FHIT: variants seen among roughly 807,000 people sequenced by gnomAD.
FHIT encodes fragile histidine triad diadenosine triphosphatase.
In FHIT, 19 loss-of-function variants were observed where a neutral mutation model predicts 17.9. That is an observed-to-expected ratio of 1.06 (90% CI 0.74 to 1.56). The LOEUF is 1.56. Ranked by LOEUF, FHIT falls within the 40% of genes most tolerant of loss-of-function variation. FHIT has a pLI of 0.00. For missense variants in FHIT, 248 were observed against 189.2 expected (o/e 1.31, Z -1.82); for synonymous variants, 81 against 69.7 (o/e 1.16, Z -0.81).
chr3:60,327,801 G>A (rs996450336), intron 5 of FHIT, among the ~76,000 whole-genome samples: 25 of 152,082 alleles, frequency 1.6e-4, no homozygotes, highest in African/African-American at 5.3e-4. Context: ...GGGTCCCAGT[G>A]GGAACCTAAT....
chr3:60,668,623 A>G (rs1337855373), intron 4 of FHIT, among the ~76,000 whole-genome samples: 2 of 141,080 alleles, frequency 1.4e-5, no homozygotes, highest in Non-Finnish European at 3.0e-5. Flanking sequence ...GTGCAGTGGC[A>G]CGATCGCTTC....
intron 4 of FHIT, among the ~76,000 whole-genome samples, chr3:60,687,715 G>C (rs1168481488): frequency 6.6e-6 from 1 of 151,854 alleles, no homozygotes; most frequent in Non-Finnish European, 1.5e-5. Flanking sequence ...TATCAATTCT[G>C]TGTTTATTTG....
chr3:60,906,040 G>T (rs1283212703), intron 3 of FHIT, among the ~76,000 whole-genome samples: 1 of 152,034 alleles, frequency 6.6e-6, no homozygotes. Context: ...ATACAGGCAG[G>T]ACATAAATGG....
At chr3:59,956,139 G>C (rs1217416036) in intron 7 of FHIT, among the ~76,000 whole-genome samples, 1 of 152,124 alleles carries the variant, frequency 6.6e-6, no homozygotes, top group Non-Finnish European at 1.5e-5. Context: ...TAGAGCCAGG[G>C]CCCTCACATG....
intron 4 of FHIT, among the ~76,000 whole-genome samples, chr3:60,657,533 A>G (rs1275493865): frequency 4.6e-5 from 7 of 152,162 alleles, no homozygotes; most frequent in African/African-American, 1.7e-4. Flanking sequence ...AAATGATGGT[A>G]AGTCACTTAT....
intron 8 of FHIT, among the ~76,000 whole-genome samples, chr3:59,910,350 T>C (rs763112453): frequency 6.6e-6 from 1 of 152,204 alleles, no homozygotes; most frequent in Non-Finnish European, 1.5e-5. Context: ...TATGCATTTA[T>C]CTCAGTGAGC....
At chr3:59,749,763 A>T (rs540288359) in intron 9 of FHIT, 184 bp from the exon 10 acceptor site, 3 of 227,888 alleles carry the variant, frequency 1.3e-5, no homozygotes, top group Non-Finnish European at 2.6e-5. Flanking sequence ...AGAACCCAGC[A>T]TCTAATTCTT....
chr3:60,068,261 A>C (rs1702607585), intron 5 of FHIT, among the ~76,000 whole-genome samples: 1 of 152,090 alleles, frequency 6.6e-6, no homozygotes, highest in Non-Finnish European at 1.5e-5. Context: ...AACAAAACAA[A>C]AAGCATTTTT....
At chr3:61,134,008 G>C (rs1161519238) in intron 2 of FHIT, among the ~76,000 whole-genome samples, 1 of 151,950 alleles carries the variant, frequency 6.6e-6, no homozygotes, top group Non-Finnish European at 1.5e-5. Flanking sequence ...GAATTGCTTT[G>C]AACTCGGGAG....
At chr3:61,210,109 C>A (rs891443438) in intron 1 of FHIT, among the ~76,000 whole-genome samples, 17 of 152,306 alleles carry the variant, frequency 1.1e-4, no homozygotes, top group African/African-American at 3.6e-4. Flanking sequence ...TATCAGCAGC[C>A]GTGGCTGCAG....
chr3:60,551,215 T>C (rs1281784200), intron 4 of FHIT, among the ~76,000 whole-genome samples: 3 of 151,730 alleles, frequency 2.0e-5, no homozygotes, highest in African/African-American at 7.3e-5. Context: ...GATCAGATCA[T>C]ACAAGGTCTT....
chr3:60,677,807 G>C (rs1160309087), intron 4 of FHIT, among the ~76,000 whole-genome samples: 1 of 152,086 alleles, frequency 6.6e-6, no homozygotes, highest in Non-Finnish European at 1.5e-5. Context: ...GGGCATTTTA[G>C]GGGGAAGGTT....
At chr3:60,294,229 C>G (rs551210109) in intron 5 of FHIT, among the ~76,000 whole-genome samples, 1 of 152,146 alleles carries the variant, frequency 6.6e-6, no homozygotes, top group African/African-American at 2.4e-5. Flanking sequence ...CAAAGCACAT[C>G]TGATGGAATA....
chr3:60,811,460 C>T (rs1553736008), intron 4 of FHIT, among the ~76,000 whole-genome samples: 1 of 152,138 alleles, frequency 6.6e-6, no homozygotes, highest in Non-Finnish European at 1.5e-5. Flanking sequence ...TCAGAAAACT[C>T]GAGTGAATTC....
chr3:61,027,478 C>G (rs575934213), intron 3 of FHIT, among the ~76,000 whole-genome samples: 14 of 152,344 alleles, frequency 9.2e-5, no homozygotes, highest in South Asian at 8.3e-4. Flanking sequence ...CTACATGTAT[C>G]TCTTCCTAAT....
At chr3:60,334,902 T>A (rs1202977625) in intron 5 of FHIT, among the ~76,000 whole-genome samples, 1 of 152,242 alleles carries the variant, frequency 6.6e-6, no homozygotes, top group Non-Finnish European at 1.5e-5. Flanking sequence ...TTCAAGAAAT[T>A]GTATGGCTAT....
At chr3:61,228,154 T>C (rs927309703) in intron 1 of FHIT, among the ~76,000 whole-genome samples, 15 of 150,874 alleles carry the variant, frequency 9.9e-5, no homozygotes, top group Admixed American at 6.6e-4. Context: ...ATTTTCAAGC[T>C]AAAGGCACTT....
At chr3:59,927,572 T>A (rs892001205) in intron 7 of FHIT, among the ~76,000 whole-genome samples, 10 of 151,396 alleles carry the variant, frequency 6.6e-5, no homozygotes, top group Non-Finnish European at 1.3e-4. Flanking sequence ...TCGAGACCAG[T>A]CTGACCAACA....
chr3:60,364,445 G>A (rs1393163667), intron 5 of FHIT, among the ~76,000 whole-genome samples: 1 of 152,232 alleles, frequency 6.6e-6, no homozygotes, highest in African/African-American at 2.4e-5. Flanking sequence ...CTGTATACAT[G>A]TGAGACTGGC....
Sources: gnomAD v4.1 joint callset for allele counts (sites outside exome capture counted in the v4.1 genomes callset) on GRCh38, gnomAD v4.1.1 for gene constraint, MANE v1.5 for transcripts, NCBI Gene and HGNC (gene_info 2026-07-23, HGNC 2026-07-21) for gene names.